Variants in LRP1B observed in about 807,000 individuals in gnomAD.
LRP1B encodes low-density lipoprotein receptor-related protein 1B.
In LRP1B, 217 loss-of-function variants were observed where a neutral mutation model predicts 556.6. The observed-to-expected ratio is 0.39, with a 90% CI of 0.35 to 0.44. The LOEUF is 0.44. Among genes scored for constraint, LRP1B ranks in the 20% least tolerant of loss-of-function variants. The pLI is 1.00. For synonymous variants in LRP1B, 2,047 were observed against 1,865.8 expected (o/e 1.10, Z -2.50); for missense variants, 5,053 against 5,620.8 (o/e 0.90, Z 3.23).
chr2:140,465,007 C>T (rs995064911), intron 60 of LRP1B, among the ~76,000 whole-genome samples: 1 of 152,032 alleles, frequency 6.6e-6, no homozygotes, highest in African/African-American at 2.4e-5. Context: ...CAAATAAATA[C>T]CTGAGACTGG....
At chr2:141,152,377 C>A (rs959889099) in intron 7 of LRP1B, among the ~76,000 whole-genome samples, 3 of 151,872 alleles carry the variant, frequency 2.0e-5, no homozygotes, top group African/African-American at 4.8e-5. Flanking sequence ...GTTTTGAGGA[C>A]AGCTAATAAG....
At chr2:141,915,198 A>T (rs1699998392) in intron 1 of LRP1B, among the ~76,000 whole-genome samples, 1 of 152,186 alleles carries the variant, frequency 6.6e-6, no homozygotes, top group Admixed American at 6.5e-5. Flanking sequence ...AAAGCAGCGC[A>T]CCTATAGCCA....
intron 86 of LRP1B, among the ~76,000 whole-genome samples, chr2:140,252,487 C>T (rs1009096752): frequency 2.6e-5 from 4 of 151,850 alleles, no homozygotes; most frequent in South Asian, 2.1e-4. Context: ...CCCACAGAAG[C>T]GGAACTAATA....
chr2:141,586,757 A>G (rs1687148280), intron 2 of LRP1B, among the ~76,000 whole-genome samples: 1 of 152,056 alleles, frequency 6.6e-6, no homozygotes, highest in Non-Finnish European at 1.5e-5. Flanking sequence ...CCTGGCTAAG[A>G]CGGTGAAACC....
intron 2 of LRP1B, among the ~76,000 whole-genome samples, chr2:141,729,102 A>T (rs1693164776): frequency 6.6e-6 from 1 of 152,150 alleles, no homozygotes; most frequent in South Asian, 2.1e-4. Context: ...GGCTTCAGGC[A>T]GATGCTTAAC....
At chr2:141,246,248 A>G (rs1471170131) in intron 5 of LRP1B, among the ~76,000 whole-genome samples, 1 of 152,220 alleles carries the variant, frequency 6.6e-6, no homozygotes, top group South Asian at 2.1e-4. Flanking sequence ...TCAAGTGATA[A>G]GAAGGCTACA....
intron 1 of LRP1B, among the ~76,000 whole-genome samples, chr2:141,957,870 C>G (rs1265312456): frequency 6.6e-6 from 1 of 152,040 alleles, no homozygotes; most frequent in Non-Finnish European, 1.5e-5. Flanking sequence ...CTGTGATTAT[C>G]ACTCTTGTTT....
chr2:141,170,017 A>C (rs1680431754), intron 7 of LRP1B, among the ~76,000 whole-genome samples: 1 of 152,062 alleles, frequency 6.6e-6, no homozygotes, highest in African/African-American at 2.4e-5. Context: ...CTTCTCTTCC[A>C]TAATTGTGCT....
At chr2:141,030,301 GACAA>G (rs1471093269) in intron 11 of LRP1B, among the ~76,000 whole-genome samples, 2 of 151,972 alleles carry the variant, frequency 1.3e-5, no homozygotes, top group Admixed American at 6.6e-5. Flanking sequence ...TAGTTACACT[GACAA>G]ACATTTTGAA....
chr2:140,314,786 T>C (rs541613234), intron 83 of LRP1B, 149 bp downstream of exon 83: 1 of 571,636 alleles, frequency 1.7e-6, no homozygotes, highest in Non-Finnish European at 2.8e-6. Flanking sequence ...TTAGAACAAA[T>C]GCCATTGATT....
intron 2 of LRP1B, among the ~76,000 whole-genome samples, chr2:141,779,931 A>G (rs762245621): frequency 2.0e-5 from 3 of 151,592 alleles, no homozygotes; most frequent in Non-Finnish European, 2.9e-5. Flanking sequence ...TCCTACTTCT[A>G]TCATTTAAAA....
intron 1 of LRP1B, among the ~76,000 whole-genome samples, chr2:142,097,373 T>C (rs1706412830): frequency 6.6e-6 from 1 of 151,668 alleles, no homozygotes; most frequent in Admixed American, 6.6e-5. Flanking sequence ...TGTATTTGTA[T>C]TTATAAAGAA....
At chr2:140,388,168 C>T (rs1306431311) in intron 66 of LRP1B, among the ~76,000 whole-genome samples, 4 of 152,056 alleles carry the variant, frequency 2.6e-5, no homozygotes, top group African/African-American at 9.7e-5. Flanking sequence ...AACTCCTGAC[C>T]TCAGGTGATC....
intron 18 of LRP1B, among the ~76,000 whole-genome samples, chr2:140,960,828 T>G (rs567931821): frequency 3.6e-4 from 55 of 152,140 alleles, no homozygotes; most frequent in African/African-American, 1.3e-3. Flanking sequence ...TTCAAAGATC[T>G]ATTTAAAACA....
chr2:141,931,947 T>G (rs535490489), intron 1 of LRP1B, among the ~76,000 whole-genome samples: 1 of 152,104 alleles, frequency 6.6e-6, no homozygotes, highest in African/African-American at 2.4e-5. Context: ...TTCTTTTTTC[T>G]ATGAGCAATG....
At chr2:140,518,989 T>TAG in intron 49 of LRP1B, among the ~76,000 whole-genome samples, 1 of 152,282 alleles carries the variant, frequency 6.6e-6, no homozygotes, top group East Asian at 1.9e-4. Flanking sequence ...GAACAGTCCA[T>TAG]GCTTATGCAT....
chr2:140,618,044 C>G (rs762939105), intron 41 of LRP1B, among the ~76,000 whole-genome samples: 2 of 151,878 alleles, frequency 1.3e-5, no homozygotes, highest in Admixed American at 6.6e-5. Context: ...ACATCATACA[C>G]TAATTTTAAA....
intron 3 of LRP1B, among the ~76,000 whole-genome samples, chr2:141,412,413 T>G (rs1177901102): frequency 1.3e-5 from 2 of 152,230 alleles, no homozygotes; most frequent in Non-Finnish European, 2.9e-5. Context: ...ATAAGAATTA[T>G]TCTTGATAAA....
intron 21 of LRP1B, among the ~76,000 whole-genome samples, chr2:140,909,973 C>A (rs1694368429): frequency 6.6e-6 from 1 of 150,744 alleles, no homozygotes; most frequent in South Asian, 2.1e-4. Context: ...ATTATTTGGT[C>A]TTGGATTAGT....
Sources: allele counts gnomAD v4.1 joint callset (sites outside exome capture counted in the v4.1 genomes callset), GRCh38; gene constraint gnomAD v4.1.1; transcripts MANE v1.5; gene names NCBI Gene and HGNC (gene_info 2026-07-23, HGNC 2026-07-21).